Variants in NTRK3 observed in about 807,000 individuals in gnomAD.
NTRK3 encodes NT-3 growth factor receptor.
In NTRK3, 24 loss-of-function variants were observed where a neutral mutation model predicts 91.7. The ratio of observed to expected loss-of-function variants is 0.26; its 90% CI spans 0.19 to 0.37. NTRK3 has a LOEUF of 0.37. Among genes scored for constraint, NTRK3 ranks in the 10% least tolerant of loss-of-function variants. NTRK3 has a pLI of 1.00. For synonymous variants in NTRK3, 483 were observed against 404.0 expected (o/e 1.20, Z -2.34); for missense variants, 880 against 1,068.9 (o/e 0.82, Z 2.46).
intron 13 of NTRK3, among the ~76,000 whole-genome samples, chr15:88,083,811 G>A (rs751121634): frequency 2.6e-5 from 4 of 152,130 alleles, no homozygotes; most frequent in Non-Finnish European, 2.9e-5. Context: ...AAACAAGAAG[G>A]AACCTAAGAC....
intron 6 of NTRK3, 35 bp downstream of exon 6, chr15:88,147,300 T>C (rs112932094): frequency 6.3e-7 from 1 of 1,597,200 alleles, no homozygotes; most frequent in Non-Finnish European, 8.6e-7. Context: ...TTACCAGCAC[T>C]TCAGTACCTG....
At chr15:87,959,093 A>ACTAC (rs888221003) in intron 14 of NTRK3, among the ~76,000 whole-genome samples, 3 of 148,954 alleles carry the variant, frequency 2.0e-5, no homozygotes, top group African/African-American at 7.4e-5. Flanking sequence ...GACAGCAGCC[A>ACTAC]CTACCTGTCT....
chr15:87,966,797 G>A (rs1001662415), intron 14 of NTRK3, among the ~76,000 whole-genome samples: 3 of 152,296 alleles, frequency 2.0e-5, no homozygotes, highest in East Asian at 1.9e-4. Context: ...AGGACTTTTG[G>A]CAGCTAAAGG....
chr15:88,203,920 T>G (rs2048509941), intron 3 of NTRK3, among the ~76,000 whole-genome samples: 1 of 151,890 alleles, frequency 6.6e-6, no homozygotes, highest in South Asian at 2.1e-4. Context: ...ATGTGCAGGT[T>G]TGTTACACGG....
At chr15:87,995,065 T>C (rs1425404078) in intron 14 of NTRK3, among the ~76,000 whole-genome samples, 3 of 152,252 alleles carry the variant, frequency 2.0e-5, no homozygotes, top group Non-Finnish European at 2.9e-5. Context: ...TTTCCAAATG[T>C]TGAATTCTGT....
chr15:88,024,209 C>A (rs922206522), intron 14 of NTRK3, among the ~76,000 whole-genome samples: 2 of 152,190 alleles, frequency 1.3e-5, no homozygotes, highest in African/African-American at 2.4e-5. Context: ...GATGTCCCAG[C>A]TAAAGAGACA....
At chr15:87,941,253 C>A (rs768335442) in intron 14 of NTRK3, among the ~76,000 whole-genome samples, 2 of 152,144 alleles carry the variant, frequency 1.3e-5, no homozygotes, top group Non-Finnish European at 2.9e-5. Flanking sequence ...AGGTTGGAAT[C>A]CTGGGTCCAC....
chr15:87,978,963 G>T, intron 14 of NTRK3: 1 of 353,566 alleles, frequency 2.8e-6, no homozygotes, highest in East Asian at 4.6e-5. Context: ...TGAGGCTGGA[G>T]CACGGCTGGA....
At chr15:87,945,095 G>C (rs8042993) in intron 14 of NTRK3, among the ~76,000 whole-genome samples, 22,207 of 152,184 alleles carry the variant, frequency 0.15, 1,871 homozygotes, top group South Asian at 0.28. Flanking sequence ...GGCAGGGAGG[G>C]GGATGAATAC....
At chr15:87,905,134 A>G (rs1000604934) in intron 17 of NTRK3, among the ~76,000 whole-genome samples, 2 of 152,236 alleles carry the variant, frequency 1.3e-5, no homozygotes, top group African/African-American at 4.8e-5. Context: ...ATGTAATGAA[A>G]AAGAAAATCC....
At chr15:88,005,788 T>C (rs2076444738) in intron 14 of NTRK3, among the ~76,000 whole-genome samples, 1 of 152,172 alleles carries the variant, frequency 6.6e-6, no homozygotes. Context: ...TCAATTTCCA[T>C]AACATTCCAT....
intron 14 of NTRK3, chr15:87,981,159 T>A: frequency 6.4e-7 from 1 of 1,551,028 alleles, no homozygotes; most frequent in Non-Finnish European, 8.7e-7. Context: ...CTTAAGGTCT[T>A]AAGAACCAAA....
At chr15:87,885,822 A>C (rs757287962) in intron 17 of NTRK3, 87 bp from the exon 18 acceptor site, 2 of 488,898 alleles carry the variant, frequency 4.1e-6, no homozygotes, top group Non-Finnish European at 6.7e-6. Context: ...GCCTTCCTAA[A>C]TAAGACACAT....
intron 13 of NTRK3, among the ~76,000 whole-genome samples, chr15:88,041,399 A>G (rs971125572): frequency 2.6e-5 from 4 of 152,204 alleles, no homozygotes; most frequent in Non-Finnish European, 5.9e-5. Flanking sequence ...TTTATTGAGT[A>G]TATCTAGGCA....
At chr15:88,201,545 C>T (rs1347325881) in intron 3 of NTRK3, among the ~76,000 whole-genome samples, 8 of 152,212 alleles carry the variant, frequency 5.3e-5, no homozygotes, top group Non-Finnish European at 8.8e-5. Context: ...ACCCTCTCCT[C>T]CTGCACACCT....
chr15:88,171,958 G>A (rs1190237712), intron 5 of NTRK3, among the ~76,000 whole-genome samples: 2 of 152,238 alleles, frequency 1.3e-5, no homozygotes, highest in Admixed American at 6.5e-5. Flanking sequence ...CATATTTCAG[G>A]CCTCGCCTGG....
chr15:88,214,708 C>T (rs560056192), intron 3 of NTRK3, among the ~76,000 whole-genome samples: 1 of 151,374 alleles, frequency 6.6e-6, no homozygotes, highest in Non-Finnish European at 1.5e-5. Flanking sequence ...AAATGTGCCC[C>T]CAAATGAACA....
At chr15:88,088,041 T>A (rs3784423) in intron 13 of NTRK3, among the ~76,000 whole-genome samples, 19,803 of 152,168 alleles carry the variant, frequency 0.13, 1,928 homozygotes, top group African/African-American at 0.28. Flanking sequence ...ACACAGCAAG[T>A]TCCCACCTTA....
intron 14 of NTRK3, among the ~76,000 whole-genome samples, chr15:88,005,245 G>A (rs1296832207): frequency 6.6e-6 from 1 of 152,172 alleles, no homozygotes; most frequent in African/African-American, 2.4e-5. Context: ...GCTTTCCTGA[G>A]TAGGAGCCAG....
Sources: gnomAD v4.1 joint callset for allele counts (sites outside exome capture counted in the v4.1 genomes callset) on GRCh38, gnomAD v4.1.1 for gene constraint, MANE v1.5 for transcripts, NCBI Gene and HGNC (gene_info 2026-07-23, HGNC 2026-07-21) for gene names.